OCA2: variants seen among roughly 807,000 people sequenced by gnomAD.
OCA2 encodes the protein P protein.
Under a neutral mutation model 100.2 loss-of-function variants are expected in OCA2, and 77 were observed. The ratio of observed to expected loss-of-function variants is 0.77; its 90% CI spans 0.64 to 0.93. The LOEUF is 0.93. Ranked by LOEUF, OCA2 falls within the 40% of genes least tolerant of loss-of-function variation. The probability of loss-of-function intolerance (pLI) is 0.00; values close to 1 mark genes in which losing one functional copy is unlikely to be tolerated. For missense variants in OCA2, 1,062 were observed against 1,089.1 expected, an observed-to-expected ratio of 0.98 and a Z score of 0.35; for synonymous variants, 432 against 439.2, an observed-to-expected ratio of 0.98 and a Z score of 0.21.
At chr15:27,765,352 C>T (rs750277713) in intron 23 of OCA2, among the ~76,000 whole-genome samples, 2 of 152,056 alleles carry the variant, frequency 1.3e-5, no homozygotes, top group Non-Finnish European at 2.9e-5. Flanking sequence ...TAGGATTAAA[C>T]AAGTTTTACT....
intron 15 of OCA2, among the ~76,000 whole-genome samples, chr15:27,958,436 C>A (rs1373921663): frequency 6.6e-6 from 1 of 152,200 alleles, no homozygotes; most frequent in Non-Finnish European, 1.5e-5. Context: ...GGAGAAGGTG[C>A]TCAGCGCTCT....
Position 28,081,674 on chromosome 15 carries a change from C to G in OCA2, c.201G>C (p.Glu67Asp). ...GQSSWAPAGQ[E>D]FASFLTKGRS... ...TCCCTTTTGTGAGGAATGAAGCAAA[C>G]TCCTGGCCTGCAGGAGCCCAAGAGC... The change falls in exon 2 of 24, where the codon GAG becomes GAC. Residue 67 changes from glutamate to aspartate, a missense_variant. By Grantham distance (45) the Glu-to-Asp change is conservative (BLOSUM62 2). Coordinates refer to ENST00000354638, the MANE Select transcript of OCA2 (RefSeq NM_000275.3). 1 of 1,613,824 alleles carries G rather than the reference C, an allele frequency of 6.2e-7. No homozygotes were observed. Among genetic ancestry groups the G allele is most frequent in the South Asian group, 1.1e-5 (1 of 91,074 alleles).
chr15:27,966,965 T>C (rs542074240), intron 14 of OCA2, 143 bp from the exon 15 acceptor site: 528 of 947,762 alleles, frequency 5.6e-4, no homozygotes, highest in Admixed American at 1.4e-3. Flanking sequence ...CTGTCTCTAC[T>C]AAAAAATACA....
intron 23 of OCA2, among the ~76,000 whole-genome samples, chr15:27,792,102 C>A (rs1348313970): frequency 6.6e-6 from 1 of 152,172 alleles, no homozygotes; most frequent in Non-Finnish European, 1.5e-5. Context: ...ATTGAGGGTT[C>A]TGTATGGAGT....
chr15:27,856,763 T>C (rs1324919030), intron 21 of OCA2, among the ~76,000 whole-genome samples: 1 of 151,818 alleles, frequency 6.6e-6, no homozygotes, highest in Non-Finnish European at 1.5e-5. Context: ...TTTAAGGAAA[T>C]CTTTGTCAGT....
At chr15:27,746,808 C>T in the OCA2 span, among the ~76,000 whole-genome samples, 1 of 152,200 alleles carries the variant, frequency 6.6e-6, no homozygotes, top group Non-Finnish European at 1.5e-5. Flanking sequence ...TCTCCCACAT[C>T]CCCATCCATT....
At chr15:27,930,689 C>T (rs1049582139) in intron 18 of OCA2, among the ~76,000 whole-genome samples, 1 of 125,226 alleles carries the variant, frequency 8.0e-6, no homozygotes, top group African/African-American at 2.5e-5. Flanking sequence ...AGGTCAGAGA[C>T]TGCCTGAGGA....
At chr15:27,823,080 A>G (rs28562254) in intron 23 of OCA2, among the ~76,000 whole-genome samples, 76,852 of 152,142 alleles carry the variant, frequency 0.51, 20,017 homozygotes, top group South Asian at 0.76. Context: ...ATGGGTGCCA[A>G]TTGGCATGGT....
chr15:27,912,234 G>A (rs940797305), intron 19 of OCA2, among the ~76,000 whole-genome samples: 5 of 152,144 alleles, frequency 3.3e-5, no homozygotes, highest in Non-Finnish European at 5.9e-5. Context: ...TGCTGATTGC[G>A]GAGGCCTAGA....
chr15:27,835,370 T>C (rs1034154115), intron 23 of OCA2, among the ~76,000 whole-genome samples: 1 of 152,140 alleles, frequency 6.6e-6, no homozygotes, highest in African/African-American at 2.4e-5. Flanking sequence ...CTAGGGCCTG[T>C]GATGCAGGGA....
chr15:27,733,151 T>G, the OCA2 span, among the ~76,000 whole-genome samples: 1 of 152,290 alleles, frequency 6.6e-6, no homozygotes, highest in South Asian at 2.1e-4. Context: ...ATACCTCAAT[T>G]TTGTTTGGTT....
In OCA2 at chr15:28,027,868, T is replaced by C. The variant is rs2042801145; in HGVS notation, c.515+3A>G. On this transcript the variant is annotated splice_donor_region_variant and intron_variant, in intron 4 of 23. Transcript: ENST00000354638. ...CCAGGGTGGGCACCCCAAGTCCGCC[T>C]ACCTCAGCTTGGAAAGACGGAGTCG... The C allele has an allele frequency of 1.9e-6, 3 of 1,612,510 alleles. No homozygotes were observed. Among genetic ancestry groups the C allele is most frequent in the African/African-American group, 1.3e-5 (1 of 75,002 alleles).
At chr15:28,034,017 C>T (rs1468138625) in intron 2 of OCA2, among the ~76,000 whole-genome samples, 1 of 152,102 alleles carries the variant, frequency 6.6e-6, no homozygotes, top group African/African-American at 2.4e-5. Context: ...GAAAACAAGG[C>T]CAAGCATGGT....
intron 19 of OCA2, among the ~76,000 whole-genome samples, chr15:27,884,347 C>G (rs2037141414): frequency 6.6e-6 from 1 of 152,062 alleles, no homozygotes; most frequent in Admixed American, 6.6e-5. Flanking sequence ...TGCACTCCAG[C>G]CTCAGTGACA....
chr15:27,777,019 A>C (rs1389793405), intron 23 of OCA2, among the ~76,000 whole-genome samples: 1 of 151,708 alleles, frequency 6.6e-6, no homozygotes, highest in Non-Finnish European at 1.5e-5. Context: ...CCCCCACACC[A>C]GCCCTGCCAC....
intron 2 of OCA2, among the ~76,000 whole-genome samples, chr15:28,035,473 C>A (rs975946575): frequency 6.6e-6 from 1 of 152,202 alleles, no homozygotes; most frequent in Non-Finnish European, 1.5e-5. Context: ...ATCCAGAGAG[C>A]TCACAGATCA....
At chr15:28,095,395 G>A (rs1402628371) in intron 1 of OCA2, among the ~76,000 whole-genome samples, 6 of 152,216 alleles carry the variant, frequency 3.9e-5, no homozygotes, top group Non-Finnish European at 7.3e-5. Context: ...GATCAACAGC[G>A]TGTGGAAAAC....
chr15:27,775,836 C>T lies in OCA2; in HGVS notation c.2433-20364G>A, dbSNP rs573448692. The stretch of plus-strand genomic sequence containing the variant: ...ATCCCCTCTTCTGAAAGGATGTGGC[C>T]AGACTGGATGAGGGCTCGGCCCTAT... On this transcript the variant is annotated intron_variant, in intron 23 of 23. Coordinates refer to ENST00000354638, the MANE Select transcript of OCA2 (RefSeq NM_000275.3). 4 of 152,310 alleles carry T rather than the reference C, an allele frequency of 2.6e-5. No homozygotes were observed. In the East Asian group the frequency reaches 7.7e-4, roughly 30 times the overall value. 9.4% of individuals were successfully genotyped at this position (152,310 alleles called of 1,614,324 possible). A position where few individuals can be genotyped will look rare whatever the true frequency, so the allele number is the denominator to read the frequency against.
intron 9 of OCA2, among the ~76,000 whole-genome samples, chr15:28,001,258 A>AAC (rs529780975): frequency 0.012 from 1,794 of 150,310 alleles, 27 homozygotes; most frequent in South Asian, 0.063. Flanking sequence ...TATACATACA[A>AAC]ACACACACAC....
Sources: allele counts gnomAD v4.1 joint callset (sites outside exome capture counted in the v4.1 genomes callset), GRCh38; gene constraint gnomAD v4.1.1; transcripts MANE v1.5; gene names NCBI Gene and HGNC (gene_info 2026-07-23, HGNC 2026-07-21).